DPP10: variants seen among roughly 807,000 people sequenced by gnomAD.
The protein encoded by DPP10 is inactive dipeptidyl peptidase 10.
In DPP10, 33 loss-of-function variants were observed where a neutral mutation model predicts 120.9. That is an observed-to-expected ratio of 0.27 (90% CI 0.21 to 0.37). DPP10 has a LOEUF of 0.37. DPP10 is among the 10% of genes least tolerant of loss of function. DPP10 has a pLI of 1.00. For synonymous variants in DPP10, 337 were observed against 326.1 expected (o/e 1.03, Z -0.36); for missense variants, 816 against 942.8 (o/e 0.87, Z 1.76).
At chr2:115,699,052 A>AAAAAC (rs2091760937) in intron 7 of DPP10, among the ~76,000 whole-genome samples, 14 of 143,236 alleles carry the variant, frequency 9.8e-5, no homozygotes, top group African/African-American at 3.3e-4. Flanking sequence ...AAAAAAAACA[A>AAAAAC]GAGAAGACTC....
At chr2:115,757,523 AG>A (rs1390463362) in intron 11 of DPP10, among the ~76,000 whole-genome samples, 2 of 152,112 alleles carry the variant, frequency 1.3e-5, no homozygotes, top group Admixed American at 1.3e-4. Context: ...TCATGAGAAC[AG>A]CAAAGGAAAG....
chr2:115,265,238 G>T (rs977370743), intron 1 of DPP10, among the ~76,000 whole-genome samples: 1 of 149,160 alleles, frequency 6.7e-6, no homozygotes, highest in African/African-American at 2.5e-5. Context: ...TGTTCCCAAT[G>T]TCTTTATTTT....
chr2:115,206,457 GA>G (rs1214250448), intron 1 of DPP10, among the ~76,000 whole-genome samples: 2 of 152,166 alleles, frequency 1.3e-5, no homozygotes, highest in African/African-American at 4.8e-5. Flanking sequence ...AAAACTCTGA[GA>G]AGCACTGCAA....
At chr2:115,839,138 T>C (rs1409962198) in intron 24 of DPP10, among the ~76,000 whole-genome samples, 1 of 152,228 alleles carries the variant, frequency 6.6e-6, no homozygotes, top group African/African-American at 2.4e-5. Flanking sequence ...TTAGCATTTC[T>C]AGAAGCTTAC....
At chr2:115,785,665 T>C (rs865812894) in intron 17 of DPP10, among the ~76,000 whole-genome samples, 7 of 152,294 alleles carry the variant, frequency 4.6e-5, no homozygotes, top group African/African-American at 1.7e-4. Context: ...TGTATTTCCA[T>C]GGGGTCAGTG....
At chr2:114,512,849 G>A (rs1319651451) in intron 1 of DPP10, among the ~76,000 whole-genome samples, 1 of 152,186 alleles carries the variant, frequency 6.6e-6, no homozygotes, top group African/African-American at 2.4e-5. Flanking sequence ...TTGTTGTCAC[G>A]TTCCTGTTGA....
intron 2 of DPP10, among the ~76,000 whole-genome samples, chr2:115,312,059 AATT>A (rs2061601784): frequency 6.6e-6 from 1 of 152,042 alleles, no homozygotes; most frequent in African/African-American, 2.4e-5. Flanking sequence ...CCCAGCCCAC[AATT>A]ATTATTTAGA....
intron 1 of DPP10, among the ~76,000 whole-genome samples, chr2:114,656,427 CG>C (rs1558973180): frequency 6.6e-6 from 1 of 151,900 alleles, no homozygotes; most frequent in Non-Finnish European, 1.5e-5. Context: ...AAGGAGAGGA[CG>C]GAAGGGGGAA....
At chr2:115,494,249 C>T (rs760310069) in intron 3 of DPP10, among the ~76,000 whole-genome samples, 1 of 151,958 alleles carries the variant, frequency 6.6e-6, no homozygotes, top group African/African-American at 2.4e-5. Flanking sequence ...TACTTTTTTT[C>T]TTTAATCCTT....
In DPP10 at chr2:115,561,358, CAAAAAAAAAA is replaced by C. The variant is rs11421762; in HGVS notation, c.441+35403_441+35412del. ...TGGGTGGCAGAGCAAGACTCCATCA[CAAAAAAAAAA>C]AAAAAAAAAAAAAAAAGGAATCTCA... On this transcript the variant is annotated intron_variant, in intron 5 of 25. Coordinates refer to ENST00000410059, the MANE Select transcript of DPP10 (RefSeq NM_020868.6). 9.9e-3 allele frequency among the ~76,000 whole-genome samples: 590 copies of C among 59,810 alleles called. 5 individuals are homozygous for C. The highest frequency in any genetic ancestry group is 0.017 in the Admixed American group (56 of 3,282). The allele number at this position is 59,810 out of a possible 152,430, so 39.2% of individuals were successfully genotyped here.
In DPP10 at chr2:115,139,724, T is replaced by TAAAA. The variant is rs55826687; in HGVS notation, c.61-169488_61-169485dup. Among the ~76,000 whole-genome samples, 79 of 56,594 alleles carry TAAAA rather than the reference T, an allele frequency of 1.4e-3. 1 individual carries two copies. Among genetic ancestry groups the TAAAA allele is most frequent in the Middle Eastern group, 0.019 (1 of 54 alleles). 37.1% of individuals were successfully genotyped at this position (56,594 alleles called of 152,430 possible). ...AGGTAGATCTAAGAAGTAAAAATAC[T>TAAAA]AAAAAAAAAAAAAAAAAAAAAAAAA... On this transcript the variant is annotated intron_variant, in intron 1 of 25. Coordinates refer to ENST00000410059, the MANE Select transcript of DPP10 (RefSeq NM_020868.6).
chr2:115,534,075 TAAAC>T (rs922760723), intron 5 of DPP10, among the ~76,000 whole-genome samples: 2 of 151,748 alleles, frequency 1.3e-5, no homozygotes, highest in African/African-American at 4.9e-5. Context: ...TATCACTAAT[TAAAC>T]AACACACTTT....
intron 19 of DPP10, among the ~76,000 whole-genome samples, chr2:115,806,611 A>G (rs1686000823): frequency 1.3e-5 from 2 of 152,142 alleles, no homozygotes; most frequent in South Asian, 2.1e-4. Context: ...TACAGGTTGA[A>G]AGTTAGTAAT....
intron 1 of DPP10, among the ~76,000 whole-genome samples, chr2:114,474,154 C>T (rs978426405): frequency 6.6e-6 from 1 of 152,144 alleles, no homozygotes; most frequent in Non-Finnish European, 1.5e-5. Flanking sequence ...AGATAGTTTG[C>T]ACCATGTTAG....
intron 8 of DPP10, among the ~76,000 whole-genome samples, chr2:115,731,393 A>T (rs2092906969): frequency 6.7e-6 from 1 of 150,128 alleles, no homozygotes; most frequent in Non-Finnish European, 1.5e-5. Flanking sequence ...GTGGTGGGGT[A>T]GCACATACCT....
intron 3 of DPP10, among the ~76,000 whole-genome samples, chr2:115,384,665 GAAGA>G (rs1156951824): frequency 1.5e-4 from 22 of 147,062 alleles, no homozygotes; most frequent in African/African-American, 4.8e-4. Context: ...GGAAGAAGAA[GAAGA>G]AGGAAGAAGA....
intron 1 of DPP10, among the ~76,000 whole-genome samples, chr2:114,487,920 A>G (rs142711892): frequency 6.6e-6 from 1 of 152,326 alleles, no homozygotes; most frequent in East Asian, 1.9e-4. Flanking sequence ...AAAGAACAGG[A>G]AATAACTTAC....
intron 1 of DPP10, among the ~76,000 whole-genome samples, chr2:114,519,720 A>G (rs905771315): frequency 6.6e-6 from 1 of 152,236 alleles, no homozygotes; most frequent in African/African-American, 2.4e-5. Context: ...GATTCATAGC[A>G]TGGAGCATCA....
intron 3 of DPP10, among the ~76,000 whole-genome samples, chr2:115,418,788 ATAAT>A (rs917730502): frequency 3.9e-5 from 6 of 152,108 alleles, no homozygotes; most frequent in South Asian, 2.1e-4. Flanking sequence ...CACAGAAAAA[ATAAT>A]TAATTAATTA....
Sources: allele counts gnomAD v4.1 joint callset (sites outside exome capture counted in the v4.1 genomes callset), GRCh38; gene constraint gnomAD v4.1.1; transcripts MANE v1.5; gene names NCBI Gene and HGNC (gene_info 2026-07-23, HGNC 2026-07-21).